Variants in CMIP observed in about 807,000 individuals in gnomAD.
CMIP encodes c-Maf inducing protein, also known as C-Maf-inducing protein.
CMIP carries 13 observed loss-of-function variants against 97.3 expected under a neutral mutation model. The ratio of observed to expected loss-of-function variants is 0.13; its 90% CI spans 0.09 to 0.21. The LOEUF (loss-of-function observed/expected upper bound fraction) is 0.21, where lower values mean the gene tolerates loss of function less well. CMIP is among the 10% of genes least tolerant of loss of function. CMIP has a pLI of 1.00. For synonymous variants in CMIP, 538 were observed against 436.3 expected, an observed-to-expected ratio of 1.23 and a Z score of -2.91; for missense variants, 847 against 1,024.9, an observed-to-expected ratio of 0.83 and a Z score of 2.37.
chr16:81,657,382 T>A (rs1279768583), intron 4 of CMIP, among the ~76,000 whole-genome samples: 1 of 152,198 alleles, frequency 6.6e-6, no homozygotes, highest in African/African-American at 2.4e-5. Context: ...TTTCTTTACA[T>A]ACTTATTATG....
At chr16:81,676,458 C>T (rs546684695) in intron 9 of CMIP, among the ~76,000 whole-genome samples, 1 of 152,200 alleles carries the variant, frequency 6.6e-6, no homozygotes, top group South Asian at 2.1e-4. Context: ...TGAAAATCAC[C>T]AATCTGAGCC....
chr16:81,649,571 G>C (rs2092403794), intron 3 of CMIP, among the ~76,000 whole-genome samples: 1 of 152,226 alleles, frequency 6.6e-6, no homozygotes, highest in Admixed American at 6.5e-5. Context: ...GGCTATTTCT[G>C]GGTTGTGGGA....
At chr16:81,476,021 C>T in intron 1 of CMIP, 1 of 605,146 alleles carries the variant, frequency 1.7e-6, no homozygotes, top group Admixed American at 2.1e-5. Context: ...ATAAGTCAAA[C>T]TTTATTCAAG....
Position 81,596,461 on chromosome 16 carries a change from C to T in CMIP, c.301-11106C>T, listed in dbSNP as rs1050725647. Among the ~76,000 whole-genome samples the T allele has an allele frequency of 5.5e-5, 8 of 145,328 alleles. No individual in the cohort carries two copies. In the South Asian group the frequency reaches 1.7e-3, roughly 31 times the overall value. ...GGCAGAGGTTGCAGTGAGCCAGGATCGTGCCATTGCATTCCAGCCTGGGCA... is the reference window on the plus strand; with the variant it reads ...GGCAGAGGTTGCAGTGAGCCAGGATTGTGCCATTGCATTCCAGCCTGGGCA... On this transcript the variant is annotated intron_variant, in intron 1 of 20. Coordinates refer to ENST00000537098, the MANE Select transcript of CMIP (RefSeq NM_198390.3).
rs534583027 is a variant in CMIP, at chr16:81,629,754, C to T, written c.477+8828C>T. ...CAGACATCCCAGTGCCGTGCCACAG[C>T]GCCCAAGGGAGGCTTCCTAATGGCT... is the stretch of plus-strand genomic sequence containing the variant. On this transcript the variant is annotated intron_variant, in intron 3 of 20. Transcript: ENST00000537098. 2.4e-4 allele frequency among the ~76,000 whole-genome samples: 36 copies of T among 152,352 alleles called. No homozygotes were observed. The South Asian group carries it at 7.2e-3, about 31-fold the overall frequency.
intron 1 of CMIP, among the ~76,000 whole-genome samples, chr16:81,576,293 A>G (rs146372459): frequency 0.017 from 2,590 of 151,880 alleles, 61 homozygotes; most frequent in African/African-American, 0.058. Context: ...AATCCTAGCT[A>G]CTCGGGAGGC....
At chr16:81,526,092 C>G (rs769145866) in intron 1 of CMIP, among the ~76,000 whole-genome samples, 1 of 152,046 alleles carries the variant, frequency 6.6e-6, no homozygotes, top group South Asian at 2.1e-4. Context: ...AATAGTGCTG[C>G]TGTGAACATT....
chr16:81,649,641 T>G (rs1185905438), intron 3 of CMIP, among the ~76,000 whole-genome samples: 2 of 152,256 alleles, frequency 1.3e-5, no homozygotes, highest in African/African-American at 4.8e-5. Flanking sequence ...GTTTAGATTT[T>G]TTGCAATGAG....
intron 9 of CMIP, among the ~76,000 whole-genome samples, chr16:81,677,436 C>T (rs760682626): frequency 1.3e-5 from 2 of 152,180 alleles, no homozygotes; most frequent in African/African-American, 2.4e-5. Context: ...AGCACCTTGC[C>T]GGCCCATGGG....
intron 3 of CMIP, among the ~76,000 whole-genome samples, chr16:81,632,566 C>T (rs1199648678): frequency 1.3e-5 from 2 of 152,196 alleles, no homozygotes; most frequent in East Asian, 3.9e-4. Context: ...CTGTCATCCA[C>T]ATAGGGAGAC....
At chr16:81,592,122 C>A (rs761857101) in intron 1 of CMIP, among the ~76,000 whole-genome samples, 1 of 152,174 alleles carries the variant, frequency 6.6e-6, no homozygotes, top group Non-Finnish European at 1.5e-5. Flanking sequence ...CTGCGCCTGG[C>A]TGCAGTTTAC....
chr16:81,573,988 C>T (rs947620137), intron 1 of CMIP, among the ~76,000 whole-genome samples: 1 of 152,100 alleles, frequency 6.6e-6, no homozygotes, highest in African/African-American at 2.4e-5. Flanking sequence ...CTAGGCTTGA[C>T]CCCTGGAGCC....
At chr16:81,684,949 G>A (rs1480331025) in intron 10 of CMIP, among the ~76,000 whole-genome samples, 1 of 152,206 alleles carries the variant, frequency 6.6e-6, no homozygotes, top group Non-Finnish European at 1.5e-5. Context: ...AGGATAACAG[G>A]CCCGCCCAGA....
At chr16:81,451,824 G>T (rs1906233292) in intron 1 of CMIP, among the ~76,000 whole-genome samples, 6 of 152,178 alleles carry the variant, frequency 3.9e-5, no homozygotes, top group Admixed American at 3.9e-4. Context: ...CTTTCCCCAG[G>T]ATGGAAGCCA....
intron 1 of CMIP, among the ~76,000 whole-genome samples, chr16:81,461,030 A>T (rs147487781): frequency 6.6e-6 from 1 of 152,342 alleles, no homozygotes; most frequent in Non-Finnish European, 1.5e-5. Context: ...GGTCCCGCCC[A>T]GGTTTGAGCC....
rs1424631065 is a variant in CMIP at position 81,538,865 on chromosome 16, A to T, written c.301-68702A>T. Among the ~76,000 whole-genome samples, 6 of 152,094 alleles carry T rather than the reference A, an allele frequency of 3.9e-5. No homozygotes were observed. In the South Asian group the frequency reaches 8.3e-4, roughly 21 times the overall value. ...AGTTGATTCTAAGGTCATTAATTTT[A>T]TCTGTATCCAGTGGAAATTGTGTTC... On this transcript the variant is annotated intron_variant, in intron 1 of 20. Coordinates refer to ENST00000537098, the MANE Select transcript of CMIP (RefSeq NM_198390.3).
In CMIP at chr16:81,621,017, A is replaced by G; in HGVS notation, c.477+91A>G. The G allele has an allele frequency of 6.6e-7, 1 of 1,514,292 alleles. No homozygotes were observed. The highest frequency in any genetic ancestry group is 1.8e-5 in the Admixed American group (1 of 57,018). The allele number at this position is 1,514,292 out of a possible 1,614,324, so 93.8% of individuals were successfully genotyped here. ...CTGTCACCCAGAGGCATGAAAGTGG[A>G]GAACTCATGCCTTCCAGATGGCTCA... On this transcript the variant is annotated intron_variant, in intron 3 of 20. Transcript: ENST00000537098. This position sits in a 1 kb window ranked among gnomAD's most constrained non-coding sequence, Gnocchi z 4.1.
intron 1 of CMIP, among the ~76,000 whole-genome samples, chr16:81,468,849 T>G (rs1907360535): frequency 6.6e-6 from 1 of 152,290 alleles, no homozygotes; most frequent in South Asian, 2.1e-4. Context: ...TGGTGAGGCC[T>G]GGCACACGCT....
intron 1 of CMIP, among the ~76,000 whole-genome samples, chr16:81,466,314 G>C (rs1393494604): frequency 6.6e-6 from 1 of 152,134 alleles, no homozygotes; most frequent in Non-Finnish European, 1.5e-5. Flanking sequence ...TCCTGCCTTG[G>C]CCTCCCAAAG....
Sources: allele counts gnomAD v4.1 joint callset (sites outside exome capture counted in the v4.1 genomes callset), GRCh38; gene constraint gnomAD v4.1.1; non-coding constraint Gnocchi (gnomAD v3.1); transcripts MANE v1.5; gene names NCBI Gene and HGNC (gene_info 2026-07-23, HGNC 2026-07-21).